Variants in TMEM44 observed in about 807,000 individuals in gnomAD.
TMEM44 encodes the protein transmembrane protein 44.
TMEM44 carries 43 observed loss-of-function variants against 47.8 expected under a neutral mutation model. The observed-to-expected ratio is 0.90, with a 90% CI of 0.70 to 1.16. TMEM44 has a LOEUF of 1.16. Among genes scored for constraint, TMEM44 ranks in the 50% most tolerant of loss-of-function variants. The pLI is 0.00. For synonymous variants in TMEM44, 277 were observed against 238.8 expected (o/e 1.16, Z -1.48); for missense variants, 568 against 555.2 (o/e 1.02, Z -0.23).
intron 9 of TMEM44, among the ~76,000 whole-genome samples, chr3:194,595,027 A>G (rs901582819): frequency 1.9e-4 from 29 of 152,218 alleles, no homozygotes; most frequent in Non-Finnish European, 4.1e-4. Flanking sequence ...AAAATTATAT[A>G]GTCTTTTCCC....
chr3:194,602,592 A>AAC (rs1415086411), intron 9 of TMEM44, among the ~76,000 whole-genome samples: 1 of 134,054 alleles, frequency 7.5e-6, no homozygotes, highest in African/African-American at 3.2e-5. Context: ...ACAGAGCGAG[A>AAC]ACTCCTTCTC....
chr3:194,623,833 T>G, intron 3 of TMEM44, 138 bp from the exon 4 acceptor site: 1 of 1,121,710 alleles, frequency 8.9e-7, no homozygotes, highest in Non-Finnish European at 1.3e-6. Context: ...GGCCAGCTCC[T>G]CCCCACCCTT....
intron 9 of TMEM44, among the ~76,000 whole-genome samples, chr3:194,591,155 T>C (rs1332777714): frequency 1.3e-5 from 2 of 148,154 alleles, no homozygotes; most frequent in Non-Finnish European, 3.0e-5. Flanking sequence ...GACTGTGTGA[T>C]TGTACTCCAG....
intron 5 of TMEM44, chr3:194,622,913 T>C: frequency 3.7e-6 from 1 of 267,798 alleles, no homozygotes; most frequent in Non-Finnish European, 7.0e-6. Flanking sequence ...AATCTCCTTC[T>C]CTTATGGGTT....
chr3:194,615,662 C>T lies in TMEM44; in HGVS notation c.819G>A (p.Met273Ile). The T allele has an allele frequency of 6.2e-7, 1 of 1,614,124 alleles. No individual in the cohort carries two copies. The highest frequency in any genetic ancestry group is 8.5e-7 in the Non-Finnish European group (1 of 1,179,988). The change falls in exon 7 of 10, where the codon ATG becomes ATA. Residue 273 changes from methionine to isoleucine, a missense_variant. Coordinates refer to ENST00000347147, the MANE Select transcript of TMEM44 (RefSeq NM_001011655.3). ...IFLSCVMKSK[M>I]RQALGFAKEA... is the part of the protein sequence containing the mutation. ...CCTTGGCAAATCCTAAGGCCTGTCT[C>T]ATCTTGCTCTTCATCACACACGAAA...
rs1715278490 is a variant in TMEM44, at chr3:194,611,068, GA to G, written c.913-49del. On this transcript the variant is annotated intron_variant, in intron 7 of 9. Coordinates refer to ENST00000347147, the MANE Select transcript of TMEM44 (RefSeq NM_001011655.3). The surrounding 1 kb of genome is among the most constrained non-coding windows in gnomAD (Gnocchi z 4.2). ...CAGAAAGGGGAATTCTCAAAGTCAG[GA>G]GGCATTTTCTAAAAACAAGGTCACA... 6.6e-7 allele frequency: 1 copy of G among 1,526,484 alleles called. No homozygotes were observed. The highest frequency in any genetic ancestry group is 1.4e-5 in the African/African-American group (1 of 73,284). The allele number at this position is 1,526,484 out of a possible 1,614,324, so 94.6% of individuals were successfully genotyped here.
At chr3:194,599,059 T>A (rs772653313) in intron 9 of TMEM44, among the ~76,000 whole-genome samples, 11 of 152,112 alleles carry the variant, frequency 7.2e-5, no homozygotes, top group Non-Finnish European at 1.3e-4. Context: ...CCCTGGGTGG[T>A]CTGAGCCCAA....
At chr3:194,592,175 A>G (rs369288258) in intron 9 of TMEM44, among the ~76,000 whole-genome samples, 76 of 147,886 alleles carry the variant, frequency 5.1e-4, no homozygotes, top group South Asian at 2.0e-3. Flanking sequence ...CCGAGATCGC[A>G]CCACTGCAGT....
chr3:194,628,317 C>A, intron 2 of TMEM44, 66 bp downstream of exon 2: 2 of 1,551,942 alleles, frequency 1.3e-6, no homozygotes, highest in Non-Finnish European at 8.7e-7. Flanking sequence ...ACGGCTGCAG[C>A]AGAGAGAAAG....
chr3:194,622,199 C>T (rs909694603), intron 5 of TMEM44, among the ~76,000 whole-genome samples: 15 of 152,314 alleles, frequency 9.8e-5, no homozygotes, highest in South Asian at 4.1e-4. Flanking sequence ...TTCCTGTGTG[C>T]TCTCCTCTGC....
At chr3:194,628,166 A>C (rs951357960) in intron 2 of TMEM44, among the ~76,000 whole-genome samples, 1 of 152,180 alleles carries the variant, frequency 6.6e-6, no homozygotes, top group African/African-American at 2.4e-5. Context: ...GTGACTTTTG[A>C]GCAAAGACGT....
At chr3:194,610,736 C>A (rs1286415670) in intron 8 of TMEM44, among the ~76,000 whole-genome samples, 180 bp downstream of exon 8, 1 of 152,140 alleles carries the variant, frequency 6.6e-6, no homozygotes, top group African/African-American at 2.4e-5. Context: ...AAATATTTTT[C>A]TCTCCAACAC....
intron 9 of TMEM44, chr3:194,597,425 G>T: frequency 6.6e-6 from 1 of 152,380 alleles, no homozygotes; most frequent in Non-Finnish European, 1.5e-5. Context: ...TTGGGAGGCT[G>T]AGGCAGGTGG....
In TMEM44 at chr3:194,595,164, A is replaced by G. The variant is rs1225393460; in HGVS notation, c.1177-6525T>C. ...CCTCTGAAACATGTATGTATTATGT[A>G]TAATATAATAAAAGCAAATGGCTTT... is the stretch of plus-strand genomic sequence containing the variant. On this transcript the variant is annotated intron_variant, in intron 9 of 9. Transcript: ENST00000347147. 3.3e-5 allele frequency among the ~76,000 whole-genome samples: 5 copies of G among 152,228 alleles called. No individual in the cohort carries two copies. In the South Asian group the frequency reaches 6.2e-4, roughly 19 times the overall value.
At chr3:194,601,739 T>A (rs789845) in intron 9 of TMEM44, among the ~76,000 whole-genome samples, 1 of 152,198 alleles carries the variant, frequency 6.6e-6, no homozygotes, top group Non-Finnish European at 1.5e-5. Flanking sequence ...CATGAGCCAC[T>A]GTGCCTGGCC....
At chr3:194,617,299 G>GGGGGGGGGGT in intron 5 of TMEM44, 30 bp from the exon 6 acceptor site, 2 of 619,718 alleles carry the variant, frequency 3.2e-6, no homozygotes, top group Non-Finnish European at 5.4e-6. Flanking sequence ...GGCTGGGCGG[G>GGGGGGGGGGT]AGAAGCAGCA....
rs1445601983 is a variant in TMEM44 at position 194,587,973 on chromosome 3, T to A, written c.*556A>T. 6.5e-6 allele frequency: 1 copy of A among 152,754 alleles called. No homozygotes were observed. Among genetic ancestry groups the A allele is most frequent in the African/African-American group, 2.4e-5 (1 of 41,470 alleles). 9.5% of individuals were successfully genotyped at this position (152,754 alleles called of 1,614,324 possible). ...GCAGTGTCAGTGATCTCACAAGCAC[T>A]TGGTTGGCCACACAGTCCTATCGAT... On this transcript the variant is annotated 3_prime_UTR_variant, in exon 10 of 10. Transcript: ENST00000347147.
Position 194,598,206 on chromosome 3 carries a change from T to G in TMEM44, c.1176+6081A>C, listed in dbSNP as rs112515501. Among the ~76,000 whole-genome samples the G allele has an allele frequency of 3.3e-3, 502 of 152,200 alleles. 5 individuals carry two copies. Among genetic ancestry groups the G allele is most frequent in the African/African-American group, 0.011 (458 of 41,550 alleles). Reference sequence around the variant, plus strand: ...TCGTCTGGTACCCTGACCAGTGCAGTCAAGTTCTCCCTCCACGCGAGCCCC... The same window carrying G: ...TCGTCTGGTACCCTGACCAGTGCAGGCAAGTTCTCCCTCCACGCGAGCCCC... On this transcript the variant is annotated intron_variant, in intron 9 of 9. Transcript: ENST00000347147.
rs775288973 is a variant in TMEM44, at chr3:194,617,813, CATGA to C, written c.613-548_613-545del. 2.2e-5 allele frequency: 15 copies of C among 697,614 alleles called. No homozygotes were observed. The South Asian group carries it at 2.3e-4, about 10-fold the overall frequency. 43.2% of individuals were successfully genotyped at this position (697,614 alleles called of 1,614,324 possible). On this transcript the variant is annotated intron_variant, in intron 5 of 9. Coordinates refer to ENST00000347147, the MANE Select transcript of TMEM44 (RefSeq NM_001011655.3). ...TGGTTGGGTCATGGGGTGGATATCT[CATGA>C]ATGGTCTGGCACCATACCCTGGGTG...
Sources: gnomAD v4.1 joint callset for allele counts (sites outside exome capture counted in the v4.1 genomes callset) on GRCh38, gnomAD v4.1.1 for gene constraint, Gnocchi (gnomAD v3.1) non-coding constraint, MANE v1.5 for transcripts, NCBI Gene and HGNC (gene_info 2026-07-23, HGNC 2026-07-21) for gene names.